GBP2: variants seen among roughly 807,000 people sequenced by gnomAD.
GBP2 encodes guanylate-binding protein 2.
GBP2 carries 54 observed loss-of-function variants against 60.8 expected under a neutral mutation model. The ratio of observed to expected loss-of-function variants is 0.89; its 90% CI spans 0.71 to 1.11. GBP2 has a LOEUF of 1.11. GBP2 is among the 50% of genes most tolerant of loss of function. The pLI is 0.00. For synonymous variants in GBP2, 243 were observed against 256.5 expected (o/e 0.95, Z 0.50); for missense variants, 665 against 703.3 (o/e 0.95, Z 0.62).
Position 89,108,288 on chromosome 1 carries a change from G to T in GBP2, c.1663C>A (p.Gln555Lys). The T allele has an allele frequency of 6.2e-7, 1 of 1,600,964 alleles. No homozygotes were observed. Among genetic ancestry groups the T allele is most frequent in the Non-Finnish European group, 8.6e-7 (1 of 1,168,574 alleles). ...AATCCCTCCTTGAGAAGGCGTTCCT[G>T]TTCCTAAAAGGGAAAGTGGAGACTA... is the stretch of plus-strand genomic sequence containing the variant. ...EKTLALKLQE[Q>K]ERLLKEGFEN... Residue 555 changes from glutamine to lysine, a missense_variant, in exon 11 of 11, where the codon CAG becomes AAG. Gln to Lys is a moderately conservative substitution (Grantham distance 53). Coordinates refer to ENST00000370466, the MANE Select transcript of GBP2 (RefSeq NM_004120.5).
At chr1:89,123,278 A>C (rs1681446534) in intron 1 of GBP2, among the ~76,000 whole-genome samples, 1 of 152,228 alleles carries the variant, frequency 6.6e-6, no homozygotes, top group South Asian at 2.1e-4. Context: ...AGGTGTAGTC[A>C]TTACTTCTAG....
chr1:89,110,276 C>G lies in GBP2; in HGVS notation c.1363-10G>C, dbSNP rs781431603. ...TCAGCACCTCTTTGGCCTGGTTATA[C>G]AGAGAAAGGTAGAATGAAGAAAGAG... On this transcript the variant is annotated splice_polypyrimidine_tract_variant and intron_variant, in intron 8 of 10. Transcript: ENST00000370466. 1 of 1,600,724 alleles carries G rather than the reference C, an allele frequency of 6.2e-7. No homozygotes were observed. The highest frequency in any genetic ancestry group is 8.6e-7 in the Non-Finnish European group (1 of 1,168,530).
chr1:89,119,019 A>G (rs1482480560), intron 4 of GBP2: 4 of 152,234 alleles, frequency 2.6e-5, no homozygotes, highest in Non-Finnish European at 5.9e-5. Flanking sequence ...TGATAAACAT[A>G]TTGGTGCTAC....
rs1681084969 is a variant in GBP2, at chr1:89,107,862, T to C, written c.*313A>G. ...TCTACCCAGAACAGAAACTGCAAGA[T>C]ATCTCATTGGAAAATGCATCCTAGT... is the stretch of plus-strand genomic sequence containing the variant. On this transcript the variant is annotated 3_prime_UTR_variant, in exon 11 of 11. Transcript: ENST00000370466. 1 of 248,774 alleles carries C rather than the reference T, an allele frequency of 4.0e-6. No homozygotes were observed. The highest frequency in any genetic ancestry group is 2.3e-5 in the African/African-American group (1 of 42,898). 15.4% of individuals were successfully genotyped at this position (248,774 alleles called of 1,614,324 possible).
rs1681130250 is a variant in GBP2 at position 89,109,890 on chromosome 1, A to G, written c.1466-20T>C. The G allele has an allele frequency of 1.3e-6, 2 of 1,596,608 alleles. No individual in the cohort carries two copies. The highest frequency in any genetic ancestry group is 1.7e-6 in the Non-Finnish European group (2 of 1,169,870). On this transcript the variant is annotated intron_variant, in intron 9 of 10. Coordinates refer to ENST00000370466, the MANE Select transcript of GBP2 (RefSeq NM_004120.5). ...GTTCCACTGTGGAAGAAAAATAAGC[A>G]GAAAAAGATATGAATATTCAATTGT...
At chr1:89,114,404 A>G in intron 6 of GBP2, 108 bp from the exon 7 acceptor site, 1 of 1,294,772 alleles carries the variant, frequency 7.7e-7, no homozygotes, top group East Asian at 2.5e-5. Context: ...TAAGTTTTGG[A>G]TAAAGAATAG....
intron 4 of GBP2, chr1:89,118,095 G>A (rs753881149): frequency 1.1e-5 from 2 of 181,828 alleles, no homozygotes; most frequent in Admixed American, 1.2e-4. Flanking sequence ...GAAGGAAAAC[G>A]AACTGGGCAA....
chr1:89,121,831 G>A lies in GBP2; in HGVS notation c.136C>T (p.Leu46Phe), dbSNP rs768410107. The A allele has an allele frequency of 5.0e-6, 8 of 1,613,986 alleles. No individual in the cohort carries two copies. Among genetic ancestry groups the A allele is most frequent in the Admixed American group, 1.7e-5 (1 of 59,992 alleles). Residue 46 changes from leucine (L) to phenylalanine (F), a missense_variant, in exon 2 of 11, where the codon CTC (leucine) becomes TTC (phenylalanine). By Grantham distance (22) the Leu-to-Phe change is conservative (BLOSUM62 0). Coordinates refer to ENST00000370466, the MANE Select transcript of GBP2 (RefSeq NM_004120.5). ...QPVVVVAIVG[L>F]YRTGKSYLMN... is the part of the protein sequence containing the mutation. ...AGGTAGGATTTGCCTGTGCGATAGA[G>A]GCCCACAATCGCCACCACCACCACA...
chr1:89,124,590 T>C (rs191774450), intron 1 of GBP2, among the ~76,000 whole-genome samples: 46 of 152,350 alleles, frequency 3.0e-4, no homozygotes, highest in Non-Finnish European at 4.4e-4. Context: ...TAACCCAGCC[T>C]TGGTCCTGAT....
In GBP2 at chr1:89,112,529, A is replaced by G. The variant is rs747729921; in HGVS notation, c.1305T>C (p.Thr435=). ...FSKPGGYRLF[T]QKLQELKNKY... is the part of the protein sequence containing the mutation. ...TATTCTTCAGCTCCTGCAGCTTCTG[A>G]GTAAAGAGACGGTAACCTCCTGGTT... The change falls in exon 8 of 11, where the codon ACT becomes ACC. Residue 435 remains threonine (T), a synonymous_variant. Transcript: ENST00000370466. 1.9e-6 allele frequency: 3 copies of G among 1,614,124 alleles called. No individual in the cohort carries two copies. The highest frequency in any genetic ancestry group is 3.3e-5 in the Admixed American group (2 of 60,020).
chr1:89,122,827 T>G (rs1403940086), intron 1 of GBP2, among the ~76,000 whole-genome samples: 2 of 152,250 alleles, frequency 1.3e-5, no homozygotes, highest in African/African-American at 4.8e-5. Context: ...TGATAATTCT[T>G]GCTTATAACT....
intron 6 of GBP2, among the ~76,000 whole-genome samples, chr1:89,115,314 C>T (rs1258210210): frequency 1.3e-5 from 2 of 152,168 alleles, no homozygotes; most frequent in Non-Finnish European, 2.9e-5. Context: ...ACCCAATGCC[C>T]ATTTATGGCT....
rs1296215417 is a variant in GBP2 at position 89,106,518 on chromosome 1, A to G, written c.*1657T>C. ...ATGAAACAACAGTGGAAAGATTAAA[A>G]CAACATTGAAAAATAATGACAAAAA... On this transcript the variant is annotated 3_prime_UTR_variant, in exon 11 of 11. Transcript: ENST00000370466. 2.0e-5 allele frequency: 3 copies of G among 152,238 alleles called. No individual in the cohort carries two copies. The highest frequency in any genetic ancestry group is 7.2e-5 in the African/African-American group (3 of 41,460). The allele number at this position is 152,238 out of a possible 1,614,324, so 9.4% of individuals were successfully genotyped here.
chr1:89,110,331 C>T (rs1681138021), intron 8 of GBP2, 65 bp from the exon 9 acceptor site: 2 of 1,153,538 alleles, frequency 1.7e-6, no homozygotes, highest in Non-Finnish European at 2.6e-6. Flanking sequence ...GCAATCCCAC[C>T]ACTGGGTATC....
Position 89,109,663 on chromosome 1 carries a change from A to T in GBP2, c.1659+14T>A. The T allele has an allele frequency of 6.2e-7, 1 of 1,609,930 alleles. No homozygotes were observed. Among genetic ancestry groups the T allele is most frequent in the South Asian group, 1.1e-5 (1 of 90,662 alleles). On this transcript the variant is annotated intron_variant, in intron 10 of 10. Transcript: ENST00000370466. ...GGCACTGGAAGAGAAAATTGAGATGATGCAATTGAATACCTGAAGTTTAAG... is the reference window on the plus strand; with the variant it reads ...GGCACTGGAAGAGAAAATTGAGATGTTGCAATTGAATACCTGAAGTTTAAG...
chr1:89,115,951 A>T (rs1225421236), intron 6 of GBP2, among the ~76,000 whole-genome samples: 3 of 151,936 alleles, frequency 2.0e-5, no homozygotes, highest in Non-Finnish European at 4.4e-5. Context: ...GCATTTCCAC[A>T]TTACATTATT....
Position 89,110,284 on chromosome 1 carries a change from G to C in GBP2, c.1363-18C>G, listed in dbSNP as rs1297785421. On this transcript the variant is annotated intron_variant, in intron 8 of 10. Coordinates refer to ENST00000370466, the MANE Select transcript of GBP2 (RefSeq NM_004120.5). ...TCTTTGGCCTGGTTATACAGAGAAA[G>C]GTAGAATGAAGAAAGAGTGATTGTG... 6.3e-7 allele frequency: 1 copy of C among 1,583,828 alleles called. No homozygotes were observed. Among genetic ancestry groups the C allele is most frequent in the Non-Finnish European group, 8.7e-7 (1 of 1,153,890 alleles).
chr1:89,108,190 T>C lies in GBP2; in HGVS notation c.1761A>G (p.Ile587Met), dbSNP rs947487040. The C allele has an allele frequency of 1.2e-6, 2 of 1,608,106 alleles. No individual in the cohort carries two copies. Residue 587 changes from isoleucine (I) to methionine (M), a missense_variant, in exon 11 of 11, where the codon ATA becomes ATG. Transcript: ENST00000370466. ...CCTTGGACTTTTAGAGTATGTTACATATTGGCTCCAATGATTTGCTTCTCA... is the reference window on the plus strand; with the variant it reads ...CCTTGGACTTTTAGAGTATGTTACACATTGGCTCCAATGATTTGCTTCTCA... ...IQMRSKSLEP[I>M]CNIL
intron 1 of GBP2, among the ~76,000 whole-genome samples, chr1:89,124,632 G>C (rs902539279): frequency 2.0e-5 from 3 of 152,158 alleles, no homozygotes; most frequent in African/African-American, 7.2e-5. Context: ...ACAGGGTCTG[G>C]TCAGACTGTG....
Sources: gnomAD v4.1 joint callset for allele counts (sites outside exome capture counted in the v4.1 genomes callset) on GRCh38, gnomAD v4.1.1 for gene constraint, MANE v1.5 for transcripts, NCBI Gene and HGNC (gene_info 2026-07-23, HGNC 2026-07-21) for gene names.